MBD5: variants seen among roughly 807,000 people sequenced by gnomAD.
MBD5 encodes the protein methyl-CpG-binding domain protein 5.
MBD5 carries 13 observed loss-of-function variants against 117.3 expected under a neutral mutation model. That is an observed-to-expected ratio of 0.11 (90% CI 0.07 to 0.18). The LOEUF (loss-of-function observed/expected upper bound fraction) is 0.18, where lower values mean the gene tolerates loss of function less well. Among genes scored for constraint, MBD5 ranks in the 10% least tolerant of loss-of-function variants. The probability of loss-of-function intolerance (pLI) is 1.00; values close to 1 mark genes in which losing one functional copy is unlikely to be tolerated. For synonymous variants in MBD5, 727 were observed against 766.4 expected, an observed-to-expected ratio of 0.95 and a Z score of 0.85; for missense variants, 1,879 against 2,093.8, an observed-to-expected ratio of 0.90 and a Z score of 2.00.
intron 4 of MBD5, among the ~76,000 whole-genome samples, chr2:148,348,790 G>A (rs914706662): frequency 4.6e-5 from 7 of 151,838 alleles, no homozygotes; most frequent in South Asian, 2.1e-4. Context: ...TGGATTTTAC[G>A]TTTTGGGGAG....
chr2:148,453,597 A>C (rs1463334056), intron 4 of MBD5, among the ~76,000 whole-genome samples: 2 of 152,126 alleles, frequency 1.3e-5, no homozygotes, highest in Non-Finnish European at 2.9e-5. Context: ...GCTTAAATGA[A>C]GCCATATAAA....
chr2:148,263,156 A>T (rs1700771633), intron 3 of MBD5, among the ~76,000 whole-genome samples: 4 of 152,208 alleles, frequency 2.6e-5, no homozygotes. Context: ...TGAAATGACC[A>T]TAGGGTGCTC....
intron 1 of MBD5, among the ~76,000 whole-genome samples, chr2:148,063,377 C>G (rs908266422): frequency 6.6e-6 from 1 of 152,048 alleles, no homozygotes; most frequent in Admixed American, 6.6e-5. Flanking sequence ...AGTTGGGGAT[C>G]GTTAGGGTTC....
intron 4 of MBD5, among the ~76,000 whole-genome samples, chr2:148,381,895 G>C (rs1357577489): frequency 1.3e-5 from 2 of 152,128 alleles, no homozygotes; most frequent in Non-Finnish European, 2.9e-5. Context: ...ATCCTTTACA[G>C]ACAAGCAAAT....
chr2:148,247,277 A>G (rs184821288), intron 3 of MBD5, among the ~76,000 whole-genome samples: 4 of 152,334 alleles, frequency 2.6e-5, no homozygotes, highest in Non-Finnish European at 5.9e-5. Context: ...TGTGTCAGAA[A>G]TTAATTTTAG....
At chr2:148,433,677 A>G (rs910126323) in intron 4 of MBD5, among the ~76,000 whole-genome samples, 1 of 152,146 alleles carries the variant, frequency 6.6e-6, no homozygotes, top group Admixed American at 6.6e-5. Context: ...TGTGGAACCA[A>G]CCTTGCATCC....
At chr2:148,344,127 T>A (rs1047441763) in intron 4 of MBD5, among the ~76,000 whole-genome samples, 5 of 152,114 alleles carry the variant, frequency 3.3e-5, no homozygotes, top group African/African-American at 1.2e-4. Flanking sequence ...TGGCTGTAGG[T>A]GTGTGACTTT....
At chr2:148,093,504 G>C (rs544347620) in intron 1 of MBD5, among the ~76,000 whole-genome samples, 1 of 152,082 alleles carries the variant, frequency 6.6e-6, no homozygotes, top group Non-Finnish European at 1.5e-5. Flanking sequence ...TCAAAAGCAA[G>C]TAAAAATTAA....
At chr2:148,490,702 C>A in intron 11 of MBD5, 108 bp downstream of exon 11, 2 of 1,393,764 alleles carry the variant, frequency 1.4e-6, no homozygotes, top group African/African-American at 1.4e-5. Context: ...TAGGATTCTT[C>A]ATGACTCATT....
At chr2:148,315,423 T>C (rs1702136405) in intron 3 of MBD5, among the ~76,000 whole-genome samples, 1 of 152,234 alleles carries the variant, frequency 6.6e-6, no homozygotes, top group South Asian at 2.1e-4. Flanking sequence ...ATAAAAATAA[T>C]GTTTTAAATC....
Position 148,491,297 on chromosome 2 carries a change from CTT to C in MBD5, c.4962+719_4962+720del, listed in dbSNP as rs543680655. On this transcript the variant is annotated intron_variant, in intron 11 of 13. Transcript: ENST00000642680. Reference sequence around the variant, plus strand: ...AGAAATTAGTAGGGGTCTTCTGGGCCTTTTTTTTTTTTTTTTTCGGCCTTTAC... The same window carrying C: ...AGAAATTAGTAGGGGTCTTCTGGGCCTTTTTTTTTTTTTTTCGGCCTTTAC... Among the ~76,000 whole-genome samples the C allele has an allele frequency of 2.3e-3, 296 of 128,506 alleles. 3 individuals are homozygous for C. The highest frequency in any genetic ancestry group is 5.6e-3 in the African/African-American group (199 of 35,328). 84.3% of individuals were successfully genotyped at this position (128,506 alleles called of 152,430 possible).
At chr2:148,231,344 T>A (rs1029329492) in intron 2 of MBD5, among the ~76,000 whole-genome samples, 1 of 152,156 alleles carries the variant, frequency 6.6e-6, no homozygotes, top group East Asian at 1.9e-4. Flanking sequence ...AGGGCAGCAC[T>A]GAGCTCAGTG....
In MBD5 at chr2:148,202,956, T is replaced by C. The variant is rs572919487; in HGVS notation, c.-831+24163T>C. Among the ~76,000 whole-genome samples, 128 of 152,088 alleles carry C rather than the reference T, an allele frequency of 8.4e-4. 1 individual carries two copies. The highest frequency in any genetic ancestry group is 3.0e-3 in the African/African-American group (123 of 41,472). On this transcript the variant is annotated intron_variant, in intron 2 of 13. Transcript: ENST00000642680. ...AGTCTCTACTAGAAATACAAAAAAA[T>C]TAGCCAGATGTGGTGGCAGGCACCT...
intron 8 of MBD5, among the ~76,000 whole-genome samples, chr2:148,480,830 A>G (rs1681125758): frequency 6.6e-6 from 1 of 152,072 alleles, no homozygotes; most frequent in African/African-American, 2.4e-5. Flanking sequence ...ATTTTCAAAG[A>G]GGAGTTTTTA....
chr2:148,085,723 C>CA (rs796928483), intron 1 of MBD5, among the ~76,000 whole-genome samples: 48 of 142,156 alleles, frequency 3.4e-4, no homozygotes, highest in South Asian at 1.1e-3. Context: ...GACTCCGTCT[C>CA]AAAAAAAAAA....
intron 1 of MBD5, among the ~76,000 whole-genome samples, chr2:148,172,504 T>C (rs34570602): frequency 4.6e-5 from 7 of 152,150 alleles, no homozygotes; most frequent in Admixed American, 4.6e-4. Context: ...GGGGCAGGCC[T>C]GTTGGCTATT....
intron 2 of MBD5, among the ~76,000 whole-genome samples, chr2:148,211,613 C>T (rs1444995453): frequency 6.6e-6 from 1 of 151,962 alleles, no homozygotes; most frequent in Non-Finnish European, 1.5e-5. Context: ...AACTCTTTTA[C>T]AATTTTTTTT....
intron 4 of MBD5, among the ~76,000 whole-genome samples, chr2:148,377,926 A>T (rs1332012921): frequency 1.3e-5 from 2 of 152,214 alleles, no homozygotes; most frequent in African/African-American, 2.4e-5. Context: ...TCTTAAGGTT[A>T]TCATGGGAGC....
At chr2:148,048,608 T>TG (rs1694604995) in intron 1 of MBD5, among the ~76,000 whole-genome samples, 1 of 152,060 alleles carries the variant, frequency 6.6e-6, no homozygotes, top group Non-Finnish European at 1.5e-5. Context: ...GTTTTGGAGT[T>TG]GGAGAGTAGA....
Sources: allele counts gnomAD v4.1 joint callset (sites outside exome capture counted in the v4.1 genomes callset), GRCh38; gene constraint gnomAD v4.1.1; transcripts MANE v1.5; gene names NCBI Gene and HGNC (gene_info 2026-07-23, HGNC 2026-07-21).